Variants in MECOM observed in about 807,000 individuals in gnomAD.
MECOM encodes histone-lysine N-methyltransferase MECOM.
A neutral mutation model predicts 116.3 loss-of-function variants in MECOM; 13 were observed. The ratio of observed to expected loss-of-function variants is 0.11; its 90% CI spans 0.07 to 0.18. The LOEUF (loss-of-function observed/expected upper bound fraction) is 0.18, where lower values mean the gene tolerates loss of function less well. MECOM is among the 10% of genes least tolerant of loss of function. The pLI is 1.00. For synonymous variants in MECOM, 528 were observed against 535.2 expected, an observed-to-expected ratio of 0.99 and a Z score of 0.19; for missense variants, 1,299 against 1,509.0, an observed-to-expected ratio of 0.86 and a Z score of 2.31.
At position 169,482,865 on chromosome 3, in the gene MECOM, CCACG is replaced by C. The variant is rs1405658291; in HGVS notation, c.38-101345_38-101342del. ...ATTGATAGGCCTTTTAAATCTATGG[CCACG>C]AAGCAGGGACTTGCCAATATTTCTA... On this transcript the variant is annotated intron_variant, in intron 1 of 16. Coordinates refer to ENST00000651503, the MANE Select transcript of MECOM (RefSeq NM_004991.4). Among the ~76,000 whole-genome samples, 4 of 152,244 alleles carry C rather than the reference CCACG, an allele frequency of 2.6e-5. No individual in the cohort carries two copies. In the East Asian group the frequency reaches 7.7e-4, roughly 29 times the overall value.
At chr3:169,291,664 C>A (rs982612461) in intron 2 of MECOM, among the ~76,000 whole-genome samples, 14 of 152,172 alleles carry the variant, frequency 9.2e-5, no homozygotes, top group African/African-American at 3.4e-4. Context: ...ATTGTTATAG[C>A]ATCTATTATT....
At chr3:169,211,475 A>T (rs894975657) in intron 2 of MECOM, among the ~76,000 whole-genome samples, 6 of 152,104 alleles carry the variant, frequency 3.9e-5, no homozygotes, top group African/African-American at 1.4e-4. Context: ...GGTCTTGTCA[A>T]ATTGACCATC....
chr3:169,371,013 T>C (rs747233487), intron 2 of MECOM, among the ~76,000 whole-genome samples: 2 of 152,046 alleles, frequency 1.3e-5, no homozygotes, highest in Non-Finnish European at 2.9e-5. Flanking sequence ...CACTTCTGTG[T>C]ATATTTCCAA....
At chr3:169,124,689 G>A (rs1031243225) in intron 5 of MECOM, among the ~76,000 whole-genome samples, 3 of 152,028 alleles carry the variant, frequency 2.0e-5, no homozygotes, top group African/African-American at 4.8e-5. Context: ...ATTCAAAGCA[G>A]GTATAATGAC....
chr3:169,561,177 T>C (rs2109363337), intron 1 of MECOM, among the ~76,000 whole-genome samples: 1 of 152,076 alleles, frequency 6.6e-6, no homozygotes, highest in African/African-American at 2.4e-5. Flanking sequence ...GATGTAAGGG[T>C]ATATGAATAT....
chr3:169,354,023 T>C (rs1315283015), intron 2 of MECOM, among the ~76,000 whole-genome samples: 3 of 151,938 alleles, frequency 2.0e-5, no homozygotes, highest in Admixed American at 6.6e-5. Context: ...TGAAATCTTT[T>C]ATTGCTTCTT....
intron 1 of MECOM, among the ~76,000 whole-genome samples, chr3:169,501,408 A>T (rs576698848): frequency 6.6e-6 from 1 of 152,168 alleles, no homozygotes; most frequent in African/African-American, 2.4e-5. Context: ...GGCATTTTAC[A>T]TTCAAGATAT....
chr3:169,351,319 G>T (rs891975192), intron 2 of MECOM, among the ~76,000 whole-genome samples: 1 of 151,602 alleles, frequency 6.6e-6, no homozygotes, highest in Admixed American at 6.6e-5. Context: ...TCAAAGTTTT[G>T]TCTACATAAA....
intron 2 of MECOM, among the ~76,000 whole-genome samples, chr3:169,231,211 A>G (rs1280679940): frequency 6.6e-6 from 1 of 152,164 alleles, no homozygotes; most frequent in Admixed American, 6.6e-5. Flanking sequence ...AATGTAGTGC[A>G]TGCATAAAGT....
intron 2 of MECOM, among the ~76,000 whole-genome samples, chr3:169,208,966 TAAAACAGCATGGTACTGCTACC>T (rs1750335627): frequency 6.8e-6 from 1 of 148,116 alleles, no homozygotes; most frequent in Non-Finnish European, 1.5e-5. Flanking sequence ...CCACAATAAC[TAAAACAGCATGGTACTGCTACC>T]AAAACAGACA....
At chr3:169,388,932 A>G (rs1484002517) in intron 1 of MECOM, among the ~76,000 whole-genome samples, 1 of 152,214 alleles carries the variant, frequency 6.6e-6, no homozygotes, top group Non-Finnish European at 1.5e-5. Context: ...GAGTTGTCAA[A>G]AAGACTCAGA....
At chr3:169,647,419 G>T (rs1774322165) in intron 1 of MECOM, among the ~76,000 whole-genome samples, 2 of 152,166 alleles carry the variant, frequency 1.3e-5, no homozygotes, top group South Asian at 4.1e-4. Context: ...TGACATTCAG[G>T]CACAGAGAAG....
rs1729165301 is a variant in MECOM, at chr3:169,116,395, C to G, written c.1477G>C (p.Gly493Arg). 2 of 1,614,106 alleles carry G rather than the reference C, an allele frequency of 1.2e-6. No individual in the cohort carries two copies. Among genetic ancestry groups the G allele is most frequent in the African/African-American group, 2.7e-5 (2 of 74,996 alleles). ...TAPGFSFSFP[G>R]LFPSGLYHRP... ...TGGTACAAGCCGGAAGGAAACAGACCAGGGAAGCTAAAAGAAAATCCAGGA... is the reference window on the plus strand; with the variant it reads ...TGGTACAAGCCGGAAGGAAACAGACGAGGGAAGCTAAAAGAAAATCCAGGA... Residue 493 changes from glycine (G) to arginine (R), a missense_variant, in exon 8 of 17, where the codon GGT becomes CGT. This residue lies in a region of MECOM where 238 missense variants were observed against 273.1 expected (regional missense o/e 0.87). Transcript: ENST00000651503.
chr3:169,529,255 C>CCAGGCCCCCACA (rs6148187), intron 1 of MECOM, among the ~76,000 whole-genome samples: 77,462 of 151,754 alleles, frequency 0.51, 21,245 homozygotes, highest in African/African-American at 0.73. Flanking sequence ...AGAACTCCTA[C>CCAGGCCCCCACA]CAGCTGTGCA....
intron 2 of MECOM, among the ~76,000 whole-genome samples, chr3:169,367,299 T>A (rs1380581514): frequency 6.6e-6 from 1 of 152,010 alleles, no homozygotes; most frequent in African/African-American, 2.4e-5. Flanking sequence ...ATAACATTAG[T>A]CATGGAATTC....
intron 1 of MECOM, among the ~76,000 whole-genome samples, chr3:169,475,768 A>C (rs9865840): frequency 0.17 from 25,911 of 151,978 alleles, 3,003 homozygotes; most frequent in African/African-American, 0.34. Context: ...GAGGAGGGAA[A>C]CCTCAAGTGG....
chr3:169,482,231 A>G (rs1000673424), intron 1 of MECOM, among the ~76,000 whole-genome samples: 1 of 151,912 alleles, frequency 6.6e-6, no homozygotes, highest in Admixed American at 6.6e-5. Flanking sequence ...AGTTCTCATG[A>G]TGAAACTAAG....
intron 1 of MECOM, among the ~76,000 whole-genome samples, chr3:169,415,827 A>G (rs1363965058): frequency 6.6e-6 from 1 of 152,208 alleles, no homozygotes. Flanking sequence ...AGAGCTAACT[A>G]TCCTAAATAT....
At chr3:169,553,271 G>C (rs140809270) in intron 1 of MECOM, among the ~76,000 whole-genome samples, 3 of 152,034 alleles carry the variant, frequency 2.0e-5, no homozygotes, top group Non-Finnish European at 4.4e-5. Context: ...AAAAAGGGGG[G>C]TTCTGTTCAT....
Sources: gnomAD v4.1 joint callset for allele counts (sites outside exome capture counted in the v4.1 genomes callset) on GRCh38, gnomAD v4.1.1 for gene constraint, gnomAD v4.1.1 regional missense constraint, MANE v1.5 for transcripts, NCBI Gene and HGNC (gene_info 2026-07-23, HGNC 2026-07-21) for gene names.